DNAJC13: variants seen among roughly 807,000 people sequenced by gnomAD.
DNAJC13 encodes dnaJ homolog subfamily C member 13.
DNAJC13 carries 75 observed loss-of-function variants against 290.5 expected under a neutral mutation model. The ratio of observed to expected loss-of-function variants is 0.26; its 90% CI spans 0.21 to 0.31. DNAJC13 has a LOEUF of 0.31. Among genes scored for constraint, DNAJC13 ranks in the 10% least tolerant of loss-of-function variants. The pLI is 1.00. For synonymous variants in DNAJC13, 862 were observed against 892.0 expected (o/e 0.97, Z 0.60); for missense variants, 2,260 against 2,674.5 (o/e 0.85, Z 3.42).
intron 2 of DNAJC13, among the ~76,000 whole-genome samples, chr3:132,437,598 C>A (rs575196408): frequency 3.9e-5 from 6 of 152,270 alleles, no homozygotes; most frequent in Admixed American, 3.9e-4. Context: ...TGTTTCGACA[C>A]CCTTGTCAAA....
intron 27 of DNAJC13, among the ~76,000 whole-genome samples, 162 bp downstream of exon 27, chr3:132,482,492 A>G (rs576310941): frequency 9.8e-5 from 15 of 152,346 alleles, no homozygotes; most frequent in African/African-American, 3.4e-4. Context: ...ATGGAGAACC[A>G]AACATACATA....
At chr3:132,426,814 C>G (rs985227322) in intron 1 of DNAJC13, among the ~76,000 whole-genome samples, 1 of 151,450 alleles carries the variant, frequency 6.6e-6, no homozygotes, top group African/African-American at 2.4e-5. Context: ...GAAAGTTTCT[C>G]AAGCCATAGT....
intron 55 of DNAJC13, among the ~76,000 whole-genome samples, chr3:132,537,547 T>C (rs1207976479): frequency 6.6e-6 from 1 of 152,240 alleles, no homozygotes; most frequent in African/African-American, 2.4e-5. Flanking sequence ...ATATATGGCA[T>C]TTTCATGCAA....
Position 132,450,668 on chromosome 3 carries a change from C to A in DNAJC13, c.358C>A (p.His120Asn). 6.2e-7 allele frequency: 1 copy of A among 1,612,564 alleles called. No homozygotes were observed. The highest frequency in any genetic ancestry group is 1.1e-5 in the South Asian group (1 of 91,030). The change falls in exon 6 of 56, where the codon CAC becomes AAC. Residue 120 changes from histidine (H) to asparagine (N), a missense_variant. By Grantham distance (68) the His-to-Asn change is moderately conservative. Coordinates refer to ENST00000260818, the MANE Select transcript of DNAJC13 (RefSeq NM_015268.4). ...TTAGAGATACAACTGCTATAAGCAT[C>A]ACTGGAGTGACTCAAGAAAACCTGT... ...TGRRYNCYKH[H>N]WSDSRKPVIL...
chr3:132,492,643 C>T, intron 33 of DNAJC13, 28 bp downstream of exon 33: 1 of 1,601,874 alleles, frequency 6.2e-7, no homozygotes. Context: ...TTTGTGCCAC[C>T]TTAAGCCATA....
At chr3:132,467,725 A>G (rs1934048996) in intron 20 of DNAJC13, among the ~76,000 whole-genome samples, 1 of 152,138 alleles carries the variant, frequency 6.6e-6, no homozygotes, top group African/African-American at 2.4e-5. Flanking sequence ...TCAGCCTCCC[A>G]AAGTGCTGGG....
chr3:132,493,079 T>C (rs962738449), intron 33 of DNAJC13, among the ~76,000 whole-genome samples: 3 of 152,072 alleles, frequency 2.0e-5, no homozygotes, highest in African/African-American at 7.2e-5. Flanking sequence ...AAAATATTGG[T>C]AATAATAGCA....
chr3:132,431,261 C>T (rs1156843372), intron 1 of DNAJC13, among the ~76,000 whole-genome samples: 1 of 152,202 alleles, frequency 6.6e-6, no homozygotes, highest in Admixed American at 6.5e-5. Flanking sequence ...AAAACTACCT[C>T]TCTCTGGATA....
intron 5 of DNAJC13, 109 bp from the exon 6 acceptor site, chr3:132,450,538 C>T (rs953065267): frequency 7.2e-6 from 5 of 690,608 alleles, no homozygotes; most frequent in Non-Finnish European, 1.2e-5. Context: ...TAAATATTTA[C>T]GATGACAGTT....
chr3:132,498,661 G>A (rs1464047780), intron 36 of DNAJC13, among the ~76,000 whole-genome samples: 1 of 151,860 alleles, frequency 6.6e-6, no homozygotes, highest in Non-Finnish European at 1.5e-5. Flanking sequence ...GCATTAGGAG[G>A]CATTTAAGAT....
At chr3:132,493,214 A>T (rs1935120169) in intron 33 of DNAJC13, among the ~76,000 whole-genome samples, 1 of 151,950 alleles carries the variant, frequency 6.6e-6, no homozygotes, top group Non-Finnish European at 1.5e-5. Flanking sequence ...GCCTGTCCAG[A>T]GTGCCCTTGG....
At chr3:132,439,473 C>T (rs774086534) in intron 2 of DNAJC13, among the ~76,000 whole-genome samples, 67 of 151,492 alleles carry the variant, frequency 4.4e-4, no homozygotes, top group Non-Finnish European at 8.4e-4. Flanking sequence ...TTGACCCTGC[C>T]AGTCTTTAAA....
chr3:132,440,378 G>GA (rs1231389460), intron 2 of DNAJC13, among the ~76,000 whole-genome samples: 2 of 152,234 alleles, frequency 1.3e-5, no homozygotes, highest in African/African-American at 4.8e-5. Context: ...AATAGCAATA[G>GA]GAATAGCTAA....
At chr3:132,510,991 T>A in intron 43 of DNAJC13, 76 bp from the exon 44 acceptor site, 1 of 1,502,266 alleles carries the variant, frequency 6.7e-7, no homozygotes, top group Non-Finnish European at 9.1e-7. Context: ...CTTTCATAGC[T>A]TAAAGTTCTT....
At chr3:132,449,790 T>C (rs1488023898) in intron 5 of DNAJC13, among the ~76,000 whole-genome samples, 1 of 152,194 alleles carries the variant, frequency 6.6e-6, no homozygotes, top group African/African-American at 2.4e-5. Context: ...TGTATCCCAC[T>C]TTATATTGAT....
In DNAJC13 at chr3:132,516,510, T is replaced by C. The variant is rs1241420644; in HGVS notation, c.5560+14T>C. 2 of 1,612,538 alleles carry C rather than the reference T, an allele frequency of 1.2e-6. No homozygotes were observed. The highest frequency in any genetic ancestry group is 1.7e-6 in the Non-Finnish European group (2 of 1,178,938). ...CAATGGCAAAGGGTAATGTATAGAG[T>C]GCTTTCTTAGCTAGTCATGTGCAAT... On this transcript the variant is annotated intron_variant, in intron 47 of 55. Coordinates refer to ENST00000260818, the MANE Select transcript of DNAJC13 (RefSeq NM_015268.4).
intron 6 of DNAJC13, among the ~76,000 whole-genome samples, chr3:132,451,893 T>G (rs1460728857): frequency 6.6e-6 from 1 of 152,202 alleles, no homozygotes; most frequent in Non-Finnish European, 1.5e-5. Context: ...ATTTTACTCT[T>G]TCCCCACTTG....
rs777563555 is a variant in DNAJC13, at chr3:132,511,152, C to T, written c.5201C>T (p.Ala1734Val). 2.8e-5 allele frequency: 45 copies of T among 1,613,738 alleles called. 1 individual carries two copies. Among genetic ancestry groups the T allele is most frequent in the Admixed American group, 2.5e-4 (15 of 59,962 alleles). ...YLHTFMAITH[A>V]AKVESEQHGD... ...CACACATTCATGGCCATCACACACG[C>T]GGCAAAAGTGGAGTCAGAGCAACAT... Residue 1734 changes from alanine (A) to valine (V), a missense_variant, in exon 44 of 56, where the codon GCG becomes GTG. Physicochemically the swap from Ala to Val is moderately conservative, Grantham distance 64. Around this residue, in one of 3 missense-constraint regions of DNAJC13, gnomAD observed 1,494 missense variants for 1,693.7 expected, o/e 0.88. Transcript: ENST00000260818.
chr3:132,511,555 G>A (rs555595776), intron 44 of DNAJC13, among the ~76,000 whole-genome samples: 6 of 152,234 alleles, frequency 3.9e-5, no homozygotes, highest in African/African-American at 1.4e-4. Flanking sequence ...AAGTATAAGT[G>A]CTTGAATTAG....
Sources: allele counts gnomAD v4.1 joint callset (sites outside exome capture counted in the v4.1 genomes callset), GRCh38; gene constraint gnomAD v4.1.1; regional missense constraint gnomAD v4.1.1; transcripts MANE v1.5; gene names NCBI Gene and HGNC (gene_info 2026-07-23, HGNC 2026-07-21).